UVRAG: variants seen among roughly 807,000 people sequenced by gnomAD.
UVRAG encodes UV radiation resistance associated.
Under a neutral mutation model 78.0 loss-of-function variants are expected in UVRAG, and 19 were observed. The ratio of observed to expected loss-of-function variants is 0.24; its 90% CI spans 0.17 to 0.36. UVRAG has a LOEUF of 0.36. UVRAG is among the 10% of genes least tolerant of loss of function. The probability of loss-of-function intolerance (pLI) is 1.00; values close to 1 mark genes in which losing one functional copy is unlikely to be tolerated. For synonymous variants in UVRAG, 323 were observed against 324.6 expected, an observed-to-expected ratio of 1.00 and a Z score of 0.05; for missense variants, 740 against 853.8, an observed-to-expected ratio of 0.87 and a Z score of 1.66.
intron 6 of UVRAG, among the ~76,000 whole-genome samples, chr11:75,951,342 T>C (rs1052634552): frequency 1.3e-5 from 2 of 148,346 alleles, no homozygotes; most frequent in East Asian, 1.9e-4. Flanking sequence ...TGTGTGTGTG[T>C]GTGTGTGTGT....
At chr11:75,819,097 T>C (rs1945330682) in intron 1 of UVRAG, among the ~76,000 whole-genome samples, 1 of 152,200 alleles carries the variant, frequency 6.6e-6, no homozygotes. Context: ...AGTATCCTTG[T>C]TATTATTGAC....
intron 14 of UVRAG, among the ~76,000 whole-genome samples, chr11:76,139,855 T>C (rs1188355313): frequency 2.6e-5 from 4 of 152,070 alleles, no homozygotes; most frequent in African/African-American, 9.7e-5. Flanking sequence ...TGAACAATGA[T>C]TGTTATTGCT....
At chr11:75,890,840 A>G (rs1947199160) in intron 5 of UVRAG, among the ~76,000 whole-genome samples, 2 of 152,232 alleles carry the variant, frequency 1.3e-5, no homozygotes, top group Non-Finnish European at 2.9e-5. Context: ...GGCACCAGAA[A>G]AGATGACTGA....
At chr11:76,074,174 T>A (rs567756838) in intron 13 of UVRAG, among the ~76,000 whole-genome samples, 2 of 152,352 alleles carry the variant, frequency 1.3e-5, no homozygotes, top group East Asian at 3.9e-4. Context: ...ATATGACCCA[T>A]ATAAATGAAA....
At position 75,899,865 on chromosome 11, in the gene UVRAG, A is replaced by G. The variant is rs558962214; in HGVS notation, c.507+10962A>G. 3.2e-4 allele frequency among the ~76,000 whole-genome samples: 48 copies of G among 152,342 alleles called. 1 individual carries two copies. Among genetic ancestry groups the G allele is most frequent in the Middle Eastern group, 6.8e-3 (2 of 294 alleles). On this transcript the variant is annotated intron_variant, in intron 5 of 14. Coordinates refer to ENST00000356136, the MANE Select transcript of UVRAG (RefSeq NM_003369.4). The stretch of plus-strand genomic sequence containing the variant: ...ACTGAAGTCCACAAAAGTTCCACAC[A>G]TTAGTCACTGTATTTGGCTTCCCTC...
chr11:75,918,210 C>CAAAAAAAA (rs67178910), intron 6 of UVRAG, among the ~76,000 whole-genome samples: 5 of 55,558 alleles, frequency 9.0e-5, no homozygotes, highest in African/African-American at 1.5e-4. Context: ...ACTAAAAATA[C>CAAAAAAAA]AAAAAAAAAA....
chr11:76,053,308 AACACACACACACAC>A (rs377457433), intron 12 of UVRAG, among the ~76,000 whole-genome samples: 11 of 140,776 alleles, frequency 7.8e-5, no homozygotes, highest in South Asian at 4.5e-4. Context: ...TCTGTCTCAA[AACACACACACACAC>A]ACACACACAC....
intron 6 of UVRAG, among the ~76,000 whole-genome samples, chr11:75,939,666 A>C (rs985933223): frequency 6.6e-6 from 1 of 152,146 alleles, no homozygotes; most frequent in African/African-American, 2.4e-5. Flanking sequence ...CTTTTTGCTT[A>C]TCAGTGATTA....
intron 7 of UVRAG, among the ~76,000 whole-genome samples, chr11:75,981,338 C>T (rs990367843): frequency 2.0e-5 from 3 of 152,196 alleles, no homozygotes; most frequent in Non-Finnish European, 4.4e-5. Flanking sequence ...TCTCAAACTC[C>T]TGGCCCCAAG....
intron 2 of UVRAG, among the ~76,000 whole-genome samples, chr11:75,853,879 TCTC>T (rs991527646): frequency 2.0e-5 from 3 of 151,820 alleles, no homozygotes; most frequent in Non-Finnish European, 4.4e-5. Flanking sequence ...TTCAAGCAAT[TCTC>T]CTGCCTCAGC....
chr11:76,081,327 T>A (rs1951489461), intron 13 of UVRAG, among the ~76,000 whole-genome samples: 1 of 152,046 alleles, frequency 6.6e-6, no homozygotes, highest in African/African-American at 2.4e-5. Context: ...TACCTCAGCC[T>A]CCCGAGTAGC....
chr11:75,822,852 G>A (rs1190815211), intron 1 of UVRAG, among the ~76,000 whole-genome samples: 1 of 151,980 alleles, frequency 6.6e-6, no homozygotes, highest in Admixed American at 6.6e-5. Flanking sequence ...TTTGTATGGA[G>A]GCTTCATCAT....
intron 14 of UVRAG, 95 bp downstream of exon 14, chr11:76,116,110 A>G (rs1195478896): frequency 9.2e-6 from 11 of 1,190,106 alleles, no homozygotes; most frequent in African/African-American, 1.5e-5. Context: ...CCTGCCTCTG[A>G]GTTTTCTTCT....
At chr11:76,077,087 T>G (rs1951417332) in intron 13 of UVRAG, among the ~76,000 whole-genome samples, 1 of 149,120 alleles carries the variant, frequency 6.7e-6, no homozygotes, top group African/African-American at 2.4e-5. Context: ...CTTTCCTCTT[T>G]AAGGTTGATA....
At chr11:75,877,394 C>T in intron 3 of UVRAG, among the ~76,000 whole-genome samples, 1 of 152,030 alleles carries the variant, frequency 6.6e-6, no homozygotes. Context: ...GGTGGCTGGG[C>T]AGAGGGGCTC....
chr11:75,880,802 G>A (rs1217823869), intron 4 of UVRAG, among the ~76,000 whole-genome samples: 7 of 151,818 alleles, frequency 4.6e-5, no homozygotes, highest in Non-Finnish European at 7.4e-5. Flanking sequence ...TAATACACCC[G>A]CCTCGGCCTC....
rs553411138 is a variant in UVRAG at position 75,952,869 on chromosome 11, G to T, written c.594-8575G>T. Among the ~76,000 whole-genome samples the T allele has an allele frequency of 2.2e-4, 33 of 152,096 alleles. No homozygotes were observed. In the South Asian group the frequency reaches 2.5e-3, roughly 11 times the overall value. On this transcript the variant is annotated intron_variant, in intron 6 of 14. Transcript: ENST00000356136. The stretch of plus-strand genomic sequence containing the variant: ...TTGATGCTACTGGCATTTTACCGGT[G>T]AAGCTATCTGAGCCTAGAGTTTCCT...
chr11:76,033,184 T>C (rs550645175), intron 12 of UVRAG, among the ~76,000 whole-genome samples: 1 of 152,324 alleles, frequency 6.6e-6, no homozygotes, highest in South Asian at 2.1e-4. Context: ...TTCACTCTTC[T>C]GAAAGAACTT....
At chr11:76,003,531 A>G (rs1219627937) in intron 8 of UVRAG, among the ~76,000 whole-genome samples, 1 of 151,974 alleles carries the variant, frequency 6.6e-6, no homozygotes, top group African/African-American at 2.4e-5. Context: ...TAAAATAATG[A>G]TATTTATGAG....
Sources: allele counts gnomAD v4.1 joint callset (sites outside exome capture counted in the v4.1 genomes callset), GRCh38; gene constraint gnomAD v4.1.1; transcripts MANE v1.5; gene names NCBI Gene and HGNC (gene_info 2026-07-23, HGNC 2026-07-21).